The following POTEC variants were observed in gnomAD, a reference collection of about 807,000 sequenced individuals.
POTEC encodes the protein ANKRD26-like family B member 2.
In POTEC, 35 loss-of-function variants were observed where a neutral mutation model predicts 62.0. That is an observed-to-expected ratio of 0.56 (90% CI 0.43 to 0.75). POTEC has a LOEUF of 0.75. Ranked by LOEUF, POTEC falls within the 30% of genes least tolerant of loss-of-function variation. The pLI, the probability that POTEC is intolerant of heterozygous loss-of-function variation, is 0.00. For synonymous variants in POTEC, 156 were observed against 221.5 expected, an observed-to-expected ratio of 0.70 and a Z score of 2.62; for missense variants, 472 against 655.9, an observed-to-expected ratio of 0.72 and a Z score of 3.06.
In POTEC at chr18:14,540,807, A is replaced by C. The variant is rs142157806; in HGVS notation, c.521+1819T>G. 4.4e-3 allele frequency among the ~76,000 whole-genome samples: 671 copies of C among 152,348 alleles called. 8 individuals are homozygous for C. The highest frequency in any genetic ancestry group is 0.015 in the African/African-American group (641 of 41,574). The stretch of plus-strand genomic sequence containing the variant: ...GCAGCAACTTAAACTTTCAGCAAGT[A>C]ATATAAGTACCACTGTTCTTCACCC... On this transcript the variant is annotated intron_variant, in intron 1 of 10. Coordinates refer to ENST00000358970, the MANE Select transcript of POTEC (RefSeq NM_001137671.2).
intron 1 of POTEC, among the ~76,000 whole-genome samples, chr18:14,539,025 G>C (rs1438195580): frequency 1.3e-5 from 2 of 152,066 alleles, no homozygotes; most frequent in African/African-American, 4.8e-5. Flanking sequence ...AAGAACTATG[G>C]AATAAGAGGG....
At chr18:14,535,529 G>T (rs2143158268) in intron 3 of POTEC, among the ~76,000 whole-genome samples, 1 of 151,562 alleles carries the variant, frequency 6.6e-6, no homozygotes, top group African/African-American at 2.4e-5. Context: ...AAATCTATTT[G>T]TATTTAATTT....
intron 3 of POTEC, among the ~76,000 whole-genome samples, chr18:14,535,288 A>AC (rs1905675185): frequency 4.2e-5 from 6 of 141,204 alleles, no homozygotes. Flanking sequence ...CTTTTGGATG[A>AC]TTTTTTTTTT....
intron 9 of POTEC, among the ~76,000 whole-genome samples, chr18:14,514,575 T>C (rs1408663938): frequency 2.0e-5 from 3 of 152,222 alleles, no homozygotes; most frequent in East Asian, 1.9e-4. Context: ...TAATATTGTG[T>C]TTTTAACATA....
chr18:14,521,509 TATA>T (rs1367598640), intron 9 of POTEC, among the ~76,000 whole-genome samples: 1 of 152,292 alleles, frequency 6.6e-6, no homozygotes, highest in African/African-American at 2.4e-5. Flanking sequence ...CATCTTTTTA[TATA>T]ATAATGCTGT....
chr18:14,537,210 C>CACACACACACACACA (rs1209635756), intron 3 of POTEC, among the ~76,000 whole-genome samples: 1 of 65,496 alleles, frequency 1.5e-5, no homozygotes, highest in African/African-American at 8.9e-5. Flanking sequence ...CACACACACA[C>CACACACACACACACA]AAAAAAAAAA....
chr18:14,518,723 G>A (rs1198878815), intron 9 of POTEC, among the ~76,000 whole-genome samples: 1 of 146,284 alleles, frequency 6.8e-6, no homozygotes, highest in East Asian at 2.0e-4. Context: ...AATGGAAAGA[G>A]AAAGCTAGGA....
At chr18:14,532,308 T>C (rs2143150861) in intron 5 of POTEC, among the ~76,000 whole-genome samples, 1 of 152,216 alleles carries the variant, frequency 6.6e-6, no homozygotes, top group South Asian at 2.1e-4. Context: ...AGGGTCAATT[T>C]GCTCACTTTG....
At chr18:14,533,839 T>C (rs1905611266) in intron 4 of POTEC, among the ~76,000 whole-genome samples, 1 of 151,732 alleles carries the variant, frequency 6.6e-6, no homozygotes. Flanking sequence ...TTAAATCCAG[T>C]CTTGTGTGAA....
intron 1 of POTEC, among the ~76,000 whole-genome samples, chr18:14,540,558 C>A (rs1192195188): frequency 1.3e-5 from 2 of 152,180 alleles, no homozygotes; most frequent in African/African-American, 2.4e-5. Context: ...TCTGTATCTA[C>A]TGACACCCTC....
At chr18:14,530,597 G>C (rs778488876) in intron 5 of POTEC, 44 bp from the exon 6 acceptor site, 1 of 1,362,868 alleles carries the variant, frequency 7.3e-7, no homozygotes, top group East Asian at 2.6e-5. Context: ...TTTTAATACT[G>C]ATATAAAAAA....
At chr18:14,512,463 TAC>T (rs1910034422) in intron 10 of POTEC, among the ~76,000 whole-genome samples, 2 of 152,262 alleles carry the variant, frequency 1.3e-5, no homozygotes, top group African/African-American at 4.8e-5. Context: ...CTAATATTTT[TAC>T]AGTCAGTTGT....
At chr18:14,514,558 C>T (rs144411815) in intron 9 of POTEC, among the ~76,000 whole-genome samples, 96 of 152,332 alleles carry the variant, frequency 6.3e-4, no homozygotes, top group Middle Eastern at 6.8e-3. Flanking sequence ...TGGAACAAGA[C>T]AGGGTCTAAT....
intron 1 of POTEC, among the ~76,000 whole-genome samples, chr18:14,541,543 A>G (rs1023689611): frequency 5.3e-5 from 8 of 152,130 alleles, no homozygotes; most frequent in Non-Finnish European, 7.3e-5. Flanking sequence ...TGGTAGGCTG[A>G]GGCAGAGAAT....
intron 6 of POTEC, among the ~76,000 whole-genome samples, chr18:14,528,499 A>T (rs1395055033): frequency 6.6e-6 from 1 of 152,140 alleles, no homozygotes; most frequent in Non-Finnish European, 1.5e-5. Context: ...CATGCTTCTA[A>T]GTTTTCTCCC....
intron 9 of POTEC, among the ~76,000 whole-genome samples, chr18:14,518,977 G>C (rs1746969393): frequency 6.6e-6 from 1 of 152,174 alleles, no homozygotes; most frequent in African/African-American, 2.4e-5. Flanking sequence ...ACTGAGTTAA[G>C]AATTGATGAA....
intron 6 of POTEC, among the ~76,000 whole-genome samples, chr18:14,529,535 G>A (rs1316982683): frequency 6.6e-6 from 1 of 152,054 alleles, no homozygotes; most frequent in East Asian, 1.9e-4. Context: ...AATACAGTTT[G>A]GATTATACAA....
intron 9 of POTEC, among the ~76,000 whole-genome samples, chr18:14,514,448 C>T (rs942895742): frequency 2.0e-5 from 3 of 152,168 alleles, no homozygotes; most frequent in African/African-American, 7.2e-5. Context: ...GATTGGAAAC[C>T]CCTGTGTCAA....
rs538188929 is a variant in POTEC, at chr18:14,530,614, C to T, written c.1056-61G>A. On this transcript the variant is annotated intron_variant, in intron 5 of 10. Transcript: ENST00000358970. Reference sequence around the variant, plus strand: ...TTAATACTGATATAAAAAATACTTACCAAATGTAAAATTCTTAGAGTATTT... The same window carrying T: ...TTAATACTGATATAAAAAATACTTATCAAATGTAAAATTCTTAGAGTATTT... 7.7e-4 allele frequency: 965 copies of T among 1,253,548 alleles called. 15 individuals carry two copies. In the South Asian group the frequency reaches 0.013, roughly 17 times the overall value. The allele number at this position is 1,253,548 out of a possible 1,614,324, so 77.7% of individuals were successfully genotyped here.
Sources: gnomAD v4.1 joint callset for allele counts (sites outside exome capture counted in the v4.1 genomes callset) on GRCh38, gnomAD v4.1.1 for gene constraint, MANE v1.5 for transcripts, NCBI Gene and HGNC (gene_info 2026-07-23, HGNC 2026-07-21) for gene names.